The following WWTR1 variants were observed in gnomAD, a reference collection of about 807,000 sequenced individuals.
WWTR1 encodes the protein WW domain containing transcription regulator 1, also known as WW domain-containing transcription regulator protein 1.
A neutral mutation model predicts 40.1 loss-of-function variants in WWTR1; 13 were observed. That is an observed-to-expected ratio of 0.32 (90% CI 0.21 to 0.52). The LOEUF is 0.52. WWTR1 is among the 20% of genes least tolerant of loss of function. WWTR1 has a pLI of 0.97. For missense variants in WWTR1, 436 were observed against 523.1 expected (o/e 0.83, Z 1.63); for synonymous variants, 230 against 210.1 (o/e 1.09, Z -0.82).
At chr3:149,542,064 T>C (rs1302824581) in intron 4 of WWTR1, among the ~76,000 whole-genome samples, 1 of 152,212 alleles carries the variant, frequency 6.6e-6, no homozygotes, top group Non-Finnish European at 1.5e-5. Context: ...CTCTCTACTT[T>C]CTCCTTTCTC....
At chr3:149,563,008 C>T (rs925253134) in intron 3 of WWTR1, among the ~76,000 whole-genome samples, 1 of 152,050 alleles carries the variant, frequency 6.6e-6, no homozygotes, top group Non-Finnish European at 1.5e-5. Context: ...GACAAACCAC[C>T]TCGAATCCCA....
intron 3 of WWTR1, among the ~76,000 whole-genome samples, chr3:149,554,104 T>C (rs1236959588): frequency 6.6e-6 from 1 of 152,078 alleles, no homozygotes; most frequent in African/African-American, 2.4e-5. Context: ...GTTCCAAAAA[T>C]CTGTAAAGTA....
At chr3:149,570,406 TA>T (rs1275408254) in intron 3 of WWTR1, among the ~76,000 whole-genome samples, 1 of 151,916 alleles carries the variant, frequency 6.6e-6, no homozygotes, top group Non-Finnish European at 1.5e-5. Flanking sequence ...CCGTCTCTAC[TA>T]AAAATACAAA....
At chr3:149,707,463 A>G (rs1047328079), upstream of WWTR1, among the ~76,000 whole-genome samples, 1 of 152,172 alleles carries the variant, frequency 6.6e-6, no homozygotes, top group Non-Finnish European at 1.5e-5. Context: ...CAACTAAGAA[A>G]TATCTTCACG....
intron 5 of WWTR1, among the ~76,000 whole-genome samples, chr3:149,527,153 C>CTTTTTTT (rs755334881): frequency 1.4e-5 from 2 of 144,424 alleles, no homozygotes; most frequent in Non-Finnish European, 3.0e-5. Flanking sequence ...CTTTTCTTTT[C>CTTTTTTT]TTTCTTTTTT....
chr3:149,551,152 C>T (rs1384626788), intron 3 of WWTR1, among the ~76,000 whole-genome samples: 1 of 144,264 alleles, frequency 6.9e-6, no homozygotes, highest in Non-Finnish European at 1.5e-5. Flanking sequence ...ACAAAATTAG[C>T]TGGGCATAGT....
chr3:149,563,727 G>A (rs1009087457), intron 3 of WWTR1, among the ~76,000 whole-genome samples: 1 of 152,062 alleles, frequency 6.6e-6, no homozygotes, highest in African/African-American at 2.4e-5. Context: ...CTGTGCTAAC[G>A]TACACAATTC....
At chr3:149,724,133 C>T (rs1423829304) in exon 4 of WWTR1, 1 of 152,158 alleles carries the variant, frequency 6.6e-6, no homozygotes, top group African/African-American at 2.4e-5. Context: ...ATAGGTTCCT[C>T]TTTTTCCTCC....
chr3:149,606,540 TC>T, intron 2 of WWTR1, among the ~76,000 whole-genome samples: 1 of 152,290 alleles, frequency 6.6e-6, no homozygotes, highest in East Asian at 1.9e-4. Flanking sequence ...TCAGTATTTC[TC>T]ACTAAATTAC....
At chr3:149,548,261 T>C (rs1736459338) in intron 3 of WWTR1, among the ~76,000 whole-genome samples, 1 of 152,190 alleles carries the variant, frequency 6.6e-6, no homozygotes, top group African/African-American at 2.4e-5. Flanking sequence ...AACTTTTGCC[T>C]TTTGCAACAC....
At chr3:149,714,951 A>G (rs1715568197) in intron 5 of WWTR1, among the ~76,000 whole-genome samples, 2 of 152,066 alleles carry the variant, frequency 1.3e-5, no homozygotes, top group South Asian at 4.1e-4. Context: ...GGAGCCGAGG[A>G]GATGGTGGGA....
intron 2 of WWTR1, among the ~76,000 whole-genome samples, chr3:149,655,110 A>C (rs892515593): frequency 1.3e-5 from 2 of 150,696 alleles, no homozygotes; most frequent in African/African-American, 4.9e-5. Flanking sequence ...TGGGCGACAG[A>C]GCGAGACTCC....
At chr3:149,644,497 C>A (rs1020218324) in intron 2 of WWTR1, among the ~76,000 whole-genome samples, 1 of 152,076 alleles carries the variant, frequency 6.6e-6, no homozygotes, top group South Asian at 2.1e-4. Context: ...CTTTCTTGAA[C>A]CAAAAAGTCA....
intron 4 of WWTR1, among the ~76,000 whole-genome samples, chr3:149,528,479 G>A (rs1400451899): frequency 6.6e-6 from 1 of 152,118 alleles, no homozygotes; most frequent in Non-Finnish European, 1.5e-5. Flanking sequence ...AAAACAATGA[G>A]TTGAAAGTTT....
At chr3:149,705,275 T>A (rs2108227028), upstream of WWTR1, among the ~76,000 whole-genome samples, 1 of 152,262 alleles carries the variant, frequency 6.6e-6, no homozygotes, top group East Asian at 1.9e-4. Flanking sequence ...AACCAAAGGA[T>A]GTGAGCTGCC....
chr3:149,723,185 CTTT>C (rs35573546), intron 4 of WWTR1, among the ~76,000 whole-genome samples: 15 of 101,832 alleles, frequency 1.5e-4, no homozygotes, highest in East Asian at 1.1e-3. Flanking sequence ...CTTTTCTTTT[CTTT>C]TTTTTTTTTT....
intron 5 of WWTR1, among the ~76,000 whole-genome samples, chr3:149,710,833 C>A (rs920514010): frequency 6.6e-5 from 10 of 152,006 alleles, no homozygotes; most frequent in African/African-American, 2.2e-4. Flanking sequence ...CCCACCTCAG[C>A]CTCCCAACGT....
chr3:149,647,799 G>T (rs942762617), intron 2 of WWTR1, among the ~76,000 whole-genome samples: 10 of 152,108 alleles, frequency 6.6e-5, no homozygotes, highest in Non-Finnish European at 1.5e-4. Flanking sequence ...ACAATGGTGG[G>T]GTCTTACGCT....
At chr3:149,629,749 A>T (rs1350095567) in intron 2 of WWTR1, among the ~76,000 whole-genome samples, 1 of 152,220 alleles carries the variant, frequency 6.6e-6, no homozygotes, top group Non-Finnish European at 1.5e-5. Context: ...CAAAACAAAA[A>T]ATCCTTTCAT....
Sources: gnomAD v4.1 joint callset for allele counts (sites outside exome capture counted in the v4.1 genomes callset) on GRCh38, gnomAD v4.1.1 for gene constraint, MANE v1.5 for transcripts, NCBI Gene and HGNC (gene_info 2026-07-23, HGNC 2026-07-21) for gene names.